The following CELF5 variants were observed in gnomAD, a reference collection of about 807,000 sequenced individuals.
CELF5 encodes the protein CUGBP Elav-like family member 5.
Under a neutral mutation model 54.9 loss-of-function variants are expected in CELF5, and 6 were observed. That is an observed-to-expected ratio of 0.11 (90% CI 0.06 to 0.22). CELF5 has a LOEUF of 0.22. CELF5 is among the 10% of genes least tolerant of loss of function. CELF5 has a pLI of 1.00. For missense variants in CELF5, 401 were observed against 678.6 expected, an observed-to-expected ratio of 0.59 and a Z score of 4.54; for synonymous variants, 271 against 290.9, an observed-to-expected ratio of 0.93 and a Z score of 0.70.
chr19:3,279,124 G>T lies in CELF5; in HGVS notation c.603+1014G>T, dbSNP rs2080106692. ...AAAGAGGAGGCTAGGCCAAGGTCCA[G>T]CTGAGGTAGGAGGAGGCCTGAGCTG... On this transcript the variant is annotated intron_variant, in intron 5 of 12. Coordinates refer to ENST00000292672, the MANE Select transcript of CELF5 (RefSeq NM_021938.4). 3.9e-5 allele frequency among the ~76,000 whole-genome samples: 6 copies of T among 152,292 alleles called. No individual in the cohort carries two copies. The South Asian group carries it at 1.2e-3, about 32-fold the overall frequency.
In CELF5 at chr19:3,268,659, G is replaced by T. The variant is rs962715379; in HGVS notation, c.343-5213G>T. Among the ~76,000 whole-genome samples, 7 of 152,164 alleles carry T rather than the reference G, an allele frequency of 4.6e-5. No individual in the cohort carries two copies. The highest frequency in any genetic ancestry group is 7.4e-5 in the Non-Finnish European group (5 of 68,024). On this transcript the variant is annotated intron_variant, in intron 2 of 12. Coordinates refer to ENST00000292672, the MANE Select transcript of CELF5 (RefSeq NM_021938.4). The surrounding 1 kb of genome is among the most constrained non-coding windows in gnomAD (Gnocchi z 4.4). ...TTGTGGACCCTGGGCTAAGGGTCTT[G>T]GTGGGGAACGGAGGGTCACAAAGCC...
At chr19:3,279,362 C>T (rs1262693059) in intron 5 of CELF5, among the ~76,000 whole-genome samples, 1 of 152,060 alleles carries the variant, frequency 6.6e-6, no homozygotes, top group Non-Finnish European at 1.5e-5. Context: ...TTCCTGCACC[C>T]ACATCTCCGA....
chr19:3,256,821 G>T (rs1327185733), intron 2 of CELF5, among the ~76,000 whole-genome samples: 2 of 151,808 alleles, frequency 1.3e-5, no homozygotes. Context: ...ACCAGCCTCG[G>T]CCTCCTAAAG....
At chr19:3,259,607 A>G (rs2079780283) in intron 2 of CELF5, among the ~76,000 whole-genome samples, 1 of 151,994 alleles carries the variant, frequency 6.6e-6, no homozygotes, top group Admixed American at 6.6e-5. Flanking sequence ...CAGGGTGCGG[A>G]TTTTAATGTG....
At chr19:3,266,822 C>T (rs971541180) in intron 2 of CELF5, among the ~76,000 whole-genome samples, 2 of 135,770 alleles carry the variant, frequency 1.5e-5, no homozygotes, top group African/African-American at 3.7e-5. Context: ...GGGAGGAAGA[C>T]CCCCCGGCCT....
At chr19:3,293,672 G>A (rs1192056575) in intron 12 of CELF5, 186 bp downstream of exon 12, 3 of 558,516 alleles carry the variant, frequency 5.4e-6, no homozygotes, top group Non-Finnish European at 6.3e-6. Flanking sequence ...CCCTGTGGTT[G>A]GGGCTGGAGC....
intron 1 of CELF5, among the ~76,000 whole-genome samples, chr19:3,248,466 G>A (rs2145050513): frequency 1.3e-5 from 2 of 150,622 alleles, no homozygotes; most frequent in Non-Finnish European, 2.9e-5. Flanking sequence ...TGAAACCTCT[G>A]TCTGTCGTTT....
chr19:3,255,573 T>C (rs1161671584), intron 2 of CELF5, among the ~76,000 whole-genome samples: 1 of 152,088 alleles, frequency 6.6e-6, no homozygotes, highest in Non-Finnish European at 1.5e-5. Flanking sequence ...CCAGAGCTCA[T>C]GGCCCCCACA....
In CELF5 at chr19:3,282,329, C is replaced by T. The variant is rs376763720; in HGVS notation, c.893-23C>T. Reference sequence around the variant, plus strand: ...GGGCTGGAGCCAGAACTGGCCTCCCCATGACCCTCTTCCGCTCTGCAGGGC... The same window carrying T: ...GGGCTGGAGCCAGAACTGGCCTCCCTATGACCCTCTTCCGCTCTGCAGGGC... On this transcript the variant is annotated intron_variant, in intron 7 of 12. Coordinates refer to ENST00000292672, the MANE Select transcript of CELF5 (RefSeq NM_021938.4). This position sits in a 1 kb window ranked among gnomAD's most constrained non-coding sequence, Gnocchi z 5.2. 7.3e-5 allele frequency: 117 copies of T among 1,608,372 alleles called. No individual in the cohort carries two copies. In the African/African-American group the frequency reaches 1.3e-3, roughly 18 times the overall value.
chr19:3,273,521 G>A (rs554201465), intron 2 of CELF5, among the ~76,000 whole-genome samples: 4 of 152,198 alleles, frequency 2.6e-5, no homozygotes, highest in African/African-American at 9.7e-5. Flanking sequence ...ACTTGGCCAA[G>A]TTCAGGTGCC....
At chr19:3,241,132 GCT>G (rs1315065865) in intron 1 of CELF5, among the ~76,000 whole-genome samples, 2 of 151,034 alleles carry the variant, frequency 1.3e-5, no homozygotes, top group African/African-American at 2.4e-5. Context: ...CACCATCTTG[GCT>G]CACTGCACCC....
At chr19:3,243,287 C>A (rs10416866) in intron 1 of CELF5, among the ~76,000 whole-genome samples, 20,986 of 151,388 alleles carry the variant, frequency 0.14, 1,575 homozygotes, top group East Asian at 0.26. Flanking sequence ...TTTTTTGAGA[C>A]AAGGTTTTGC....
intron 4 of CELF5, among the ~76,000 whole-genome samples, chr19:3,276,365 G>C (rs2080052898): frequency 1.3e-5 from 2 of 151,458 alleles, no homozygotes; most frequent in South Asian, 2.1e-4. Context: ...GGAGAGGCCC[G>C]AGGCTTCTCC....
chr19:3,290,290 C>T lies in CELF5; in HGVS notation c.1246C>T (p.Leu416=). ...CCCCCAGGAGTTTGGAGACACGGAG[C>T]TGACGCAGATGTTCCTACCCTTCGG... ...HLPQEFGDTE[L]TQMFLPFGNI... The change falls in exon 11 of 13, where the codon CTG becomes TTG. Residue 416 remains leucine, a synonymous_variant. Coordinates refer to ENST00000292672, the MANE Select transcript of CELF5 (RefSeq NM_021938.4). The T allele has an allele frequency of 6.2e-7, 1 of 1,613,898 alleles. No homozygotes were observed. The highest frequency in any genetic ancestry group is 8.5e-7 in the Non-Finnish European group (1 of 1,179,828).
chr19:3,267,292 C>T (rs1255566176), intron 2 of CELF5, among the ~76,000 whole-genome samples: 2 of 148,764 alleles, frequency 1.3e-5, no homozygotes, highest in Non-Finnish European at 3.0e-5. Context: ...GCAACCCCCC[C>T]GTTTCCGGTT....
intron 2 of CELF5, among the ~76,000 whole-genome samples, chr19:3,253,514 C>T (rs1033703176): frequency 9.2e-5 from 14 of 152,208 alleles, no homozygotes; most frequent in Middle Eastern, 3.2e-3. Flanking sequence ...CCCCAGCACA[C>T]GTAACCAAAG....
intron 2 of CELF5, among the ~76,000 whole-genome samples, chr19:3,260,001 G>T (rs1332739726): frequency 6.6e-6 from 1 of 152,040 alleles, no homozygotes; most frequent in African/African-American, 2.4e-5. Flanking sequence ...TGTTCCAGGA[G>T]CAATATTTAA....
chr19:3,257,833 ATTTG>A (rs1568343222), intron 2 of CELF5, among the ~76,000 whole-genome samples: 7 of 132,832 alleles, frequency 5.3e-5, no homozygotes, highest in Admixed American at 3.1e-4. Context: ...TTATTTATTT[ATTTG>A]AGACAGAATC....
chr19:3,290,324 T>C lies in CELF5; in HGVS notation c.1280T>C (p.Ile427Thr). The change falls in exon 11 of 13, where the codon ATT (isoleucine) becomes ACT (threonine). Residue 427 changes from isoleucine to threonine, a missense_variant. By Grantham distance (89) the Ile-to-Thr change is moderately conservative. Around this residue, in one of 6 missense-constraint regions of CELF5, gnomAD observed 59 missense variants for 128.8 expected, o/e 0.46. Coordinates refer to ENST00000292672, the MANE Select transcript of CELF5 (RefSeq NM_021938.4). ...TQMFLPFGNI[I>T]SSKVFMDRAT... ...ATGTTCCTACCCTTCGGCAATATCA[T>C]TTCCTCCAAGGTGTTTATGGATCGA... is the stretch of plus-strand genomic sequence containing the variant. The C allele has an allele frequency of 6.2e-7, 1 of 1,614,008 alleles. No individual in the cohort carries two copies. Among genetic ancestry groups the C allele is most frequent in the Non-Finnish European group, 8.5e-7 (1 of 1,179,980 alleles).
Sources: gnomAD v4.1 joint callset for allele counts (sites outside exome capture counted in the v4.1 genomes callset) on GRCh38, gnomAD v4.1.1 for gene constraint, gnomAD v4.1.1 regional missense constraint, Gnocchi (gnomAD v3.1) non-coding constraint, MANE v1.5 for transcripts, NCBI Gene and HGNC (gene_info 2026-07-23, HGNC 2026-07-21) for gene names.